The following SGCZ variants were observed in gnomAD, a reference collection of about 807,000 sequenced individuals.
SGCZ encodes the protein zeta-sarcoglycan.
SGCZ carries 40 observed loss-of-function variants against 41.3 expected under a neutral mutation model. The ratio of observed to expected loss-of-function variants is 0.97; its 90% confidence interval spans 0.75 to 1.26. SGCZ has a LOEUF of 1.26. Among genes scored for constraint, SGCZ ranks in the 50% most tolerant of loss-of-function variants. SGCZ has a pLI of 0.00. For synonymous variants in SGCZ, 206 were observed against 137.5 expected (o/e 1.50, Z -3.49); for missense variants, 552 against 369.8 (o/e 1.49, Z -4.04).
At chr8:15,136,993 G>C (rs777306311) in intron 1 of SGCZ, among the ~76,000 whole-genome samples, 3 of 152,190 alleles carry the variant, frequency 2.0e-5, no homozygotes, top group Non-Finnish European at 4.4e-5. Context: ...ACTTCTTAGA[G>C]ACTTGAAGGG....
At chr8:14,273,184 A>AT (rs1165819384) in intron 3 of SGCZ, among the ~76,000 whole-genome samples, 1 of 152,106 alleles carries the variant, frequency 6.6e-6, no homozygotes, top group African/African-American at 2.4e-5. Flanking sequence ...AAAAATATTG[A>AT]TAAAAAGAAT....
At chr8:14,676,203 G>A (rs1488610970) in intron 1 of SGCZ, among the ~76,000 whole-genome samples, 1 of 152,176 alleles carries the variant, frequency 6.6e-6, no homozygotes, top group African/African-American at 2.4e-5. Context: ...GCACTCAAAA[G>A]TATCATCCCT....
chr8:14,500,318 G>A (rs1164481388), intron 2 of SGCZ, among the ~76,000 whole-genome samples: 1 of 152,062 alleles, frequency 6.6e-6, no homozygotes, highest in African/African-American at 2.4e-5. Context: ...AGGCGCCATT[G>A]TCAGAAAAGC....
intron 1 of SGCZ, among the ~76,000 whole-genome samples, chr8:15,233,527 C>T (rs1049568071): frequency 2.0e-5 from 3 of 151,500 alleles, no homozygotes; most frequent in African/African-American, 7.3e-5. Context: ...TTTTTAATGA[C>T]CTCATTATAT....
In SGCZ at chr8:15,206,492, C is replaced by G. The variant is rs971069759; in HGVS notation, c.39+31093G>C. 2.7e-5 allele frequency among the ~76,000 whole-genome samples: 4 copies of G among 149,458 alleles called. No homozygotes were observed. In the Admixed American group the frequency reaches 2.7e-4, roughly 10 times the overall value. ...TTGAGATGGAGTCTCACTCTTCGACCCAGGCTGCAGTACATGGCACCATCT... is the reference window on the plus strand; with the variant it reads ...TTGAGATGGAGTCTCACTCTTCGACGCAGGCTGCAGTACATGGCACCATCT... On this transcript the variant is annotated intron_variant, in intron 1 of 7. Coordinates refer to ENST00000382080, the MANE Select transcript of SGCZ (RefSeq NM_139167.4).
At chr8:14,803,277 C>A (rs1477685354) in intron 1 of SGCZ, among the ~76,000 whole-genome samples, 1 of 152,224 alleles carries the variant, frequency 6.6e-6, no homozygotes, top group Non-Finnish European at 1.5e-5. Context: ...GCGTGAGCGA[C>A]GCAGAAGACG....
At chr8:14,653,870 A>C (rs987358625) in intron 1 of SGCZ, among the ~76,000 whole-genome samples, 1 of 152,168 alleles carries the variant, frequency 6.6e-6, no homozygotes, top group Non-Finnish European at 1.5e-5. Flanking sequence ...TTCTCATAGA[A>C]TCATAATCCT....
chr8:14,495,618 T>C (rs1205245061), intron 2 of SGCZ, among the ~76,000 whole-genome samples: 1 of 152,122 alleles, frequency 6.6e-6, no homozygotes, highest in Non-Finnish European at 1.5e-5. Context: ...AATCCTTCAT[T>C]ACAAGCACAA....
intron 5 of SGCZ, among the ~76,000 whole-genome samples, chr8:14,109,934 G>A (rs1425333727): frequency 6.6e-6 from 1 of 152,080 alleles, no homozygotes; most frequent in Non-Finnish European, 1.5e-5. Flanking sequence ...CTCTTAATGG[G>A]CTTAATAGTG....
chr8:15,020,023 T>G (rs2130940577), intron 1 of SGCZ, among the ~76,000 whole-genome samples: 1 of 151,938 alleles, frequency 6.6e-6, no homozygotes, highest in South Asian at 2.1e-4. Flanking sequence ...TGCATATATT[T>G]TATGAGCATT....
intron 2 of SGCZ, among the ~76,000 whole-genome samples, chr8:14,520,213 T>A (rs10094460): frequency 0.076 from 11,600 of 152,108 alleles, 1,283 homozygotes; most frequent in African/African-American, 0.25. Flanking sequence ...AAACAAAATA[T>A]TATTTTTTCT....
chr8:14,447,806 G>C (rs1339345789), intron 2 of SGCZ, among the ~76,000 whole-genome samples: 1 of 152,126 alleles, frequency 6.6e-6, no homozygotes, highest in Non-Finnish European at 1.5e-5. Flanking sequence ...AAATGACTTT[G>C]CATTGTTTGA....
At chr8:14,313,460 G>C (rs1356860621) in intron 3 of SGCZ, among the ~76,000 whole-genome samples, 2 of 152,124 alleles carry the variant, frequency 1.3e-5, no homozygotes, top group Admixed American at 6.5e-5. Flanking sequence ...AGGATTACAA[G>C]TGTAAGCCAC....
At chr8:14,509,977 T>A (rs533993072) in intron 2 of SGCZ, among the ~76,000 whole-genome samples, 1 of 152,110 alleles carries the variant, frequency 6.6e-6, no homozygotes, top group South Asian at 2.1e-4. Flanking sequence ...GGACTATGGG[T>A]CCCTACCTCA....
At chr8:14,520,978 T>C (rs956589822) in intron 2 of SGCZ, among the ~76,000 whole-genome samples, 6 of 152,170 alleles carry the variant, frequency 3.9e-5, no homozygotes, top group African/African-American at 7.2e-5. Flanking sequence ...CAGTATATAA[T>C]TGCTTTAATT....
At chr8:14,437,423 G>A (rs867989621) in intron 2 of SGCZ, among the ~76,000 whole-genome samples, 1 of 151,876 alleles carries the variant, frequency 6.6e-6, no homozygotes, top group South Asian at 2.1e-4. Flanking sequence ...ACATCATATT[G>A]CAATAGAAAC....
Position 14,146,223 on chromosome 8 carries a change from C to T in SGCZ, c.547+18357G>A, listed in dbSNP as rs559934627. 1.3e-3 allele frequency among the ~76,000 whole-genome samples: 204 copies of T among 152,170 alleles called. 1 individual carries two copies. Among genetic ancestry groups the T allele is most frequent in the African/African-American group, 4.7e-3 (195 of 41,528 alleles). Reference sequence around the variant, plus strand: ...CAGAGAAAATAAACAAAAAGAGCTCCAACAGGTCTGGCAGCCAACTCTTTC... The same window carrying T: ...CAGAGAAAATAAACAAAAAGAGCTCTAACAGGTCTGGCAGCCAACTCTTTC... On this transcript the variant is annotated intron_variant, in intron 5 of 7. Coordinates refer to ENST00000382080, the MANE Select transcript of SGCZ (RefSeq NM_139167.4).
chr8:14,868,528 A>C (rs1804017319), intron 1 of SGCZ, among the ~76,000 whole-genome samples: 1 of 152,140 alleles, frequency 6.6e-6, no homozygotes, highest in African/African-American at 2.4e-5. Context: ...AGATGAAACA[A>C]TGAAAAGAAT....
intron 1 of SGCZ, among the ~76,000 whole-genome samples, chr8:14,760,293 A>C (rs990611265): frequency 3.3e-5 from 5 of 152,196 alleles, no homozygotes; most frequent in Non-Finnish European, 7.3e-5. Flanking sequence ...ATCATTACAC[A>C]ACACCGTTTT....
Sources: allele counts gnomAD v4.1 joint callset (sites outside exome capture counted in the v4.1 genomes callset), GRCh38; gene constraint gnomAD v4.1.1; transcripts MANE v1.5; gene names NCBI Gene and HGNC (gene_info 2026-07-23, HGNC 2026-07-21).